The following KCNH8 variants were observed in gnomAD, a reference collection of about 807,000 sequenced individuals.
KCNH8 encodes the protein potassium voltage-gated channel subfamily H member 8.
KCNH8 carries 70 observed loss-of-function variants against 103.6 expected under a neutral mutation model. That is an observed-to-expected ratio of 0.68 (90% CI 0.56 to 0.82). KCNH8 has a LOEUF of 0.82. Ranked by LOEUF, KCNH8 falls within the 40% of genes least tolerant of loss-of-function variation. The pLI, the probability that KCNH8 is intolerant of heterozygous loss-of-function variation, is 0.00. For synonymous variants in KCNH8, 498 were observed against 489.4 expected, an observed-to-expected ratio of 1.02 and a Z score of -0.23; for missense variants, 1,217 against 1,329.9, an observed-to-expected ratio of 0.92 and a Z score of 1.32.
chr3:19,225,550 C>A (rs1055326822), intron 1 of KCNH8, among the ~76,000 whole-genome samples: 1 of 152,060 alleles, frequency 6.6e-6, no homozygotes, highest in Admixed American at 6.5e-5. Flanking sequence ...GAATGAGAAT[C>A]TTCTGGACGT....
intron 3 of KCNH8, among the ~76,000 whole-genome samples, chr3:19,309,131 T>C (rs944909516): frequency 1.3e-5 from 2 of 151,836 alleles, no homozygotes; most frequent in African/African-American, 4.8e-5. Flanking sequence ...TTGGTTGACT[T>C]TTGATTATTA....
chr3:19,494,826 A>G (rs1054531810), intron 11 of KCNH8, among the ~76,000 whole-genome samples: 7 of 152,210 alleles, frequency 4.6e-5, no homozygotes, highest in Admixed American at 1.3e-4. Flanking sequence ...CCAACAGTAT[A>G]TAAGTGTTCC....
At chr3:19,373,853 C>T (rs985694942) in intron 5 of KCNH8, among the ~76,000 whole-genome samples, 18 of 152,248 alleles carry the variant, frequency 1.2e-4, no homozygotes, top group South Asian at 8.3e-4. Flanking sequence ...TTTCTGCCTT[C>T]ATTTCGTTAT....
intron 11 of KCNH8, among the ~76,000 whole-genome samples, chr3:19,485,589 C>A (rs1230071224): frequency 1.3e-5 from 2 of 152,176 alleles, no homozygotes; most frequent in Non-Finnish European, 2.9e-5. Context: ...TCCTATCTGG[C>A]AGTCTGATCT....
intron 11 of KCNH8, among the ~76,000 whole-genome samples, chr3:19,492,776 A>T (rs2068350748): frequency 6.6e-6 from 1 of 151,004 alleles, no homozygotes; most frequent in South Asian, 2.1e-4. Flanking sequence ...TTTGGCCAGC[A>T]TGGTCATTTT....
At chr3:19,486,177 G>A (rs1023161693) in intron 11 of KCNH8, among the ~76,000 whole-genome samples, 3 of 152,186 alleles carry the variant, frequency 2.0e-5, no homozygotes, top group African/African-American at 7.2e-5. Flanking sequence ...GCCCATGGCT[G>A]GTCCTGAAGG....
intron 3 of KCNH8, among the ~76,000 whole-genome samples, chr3:19,334,299 G>C (rs2053506): frequency 2.0e-5 from 3 of 151,910 alleles, no homozygotes; most frequent in African/African-American, 4.8e-5. Context: ...CATAACATGC[G>C]CTACAACTCA....
chr3:19,458,476 TC>T (rs755747528), intron 11 of KCNH8, among the ~76,000 whole-genome samples: 2 of 151,902 alleles, frequency 1.3e-5, no homozygotes, highest in African/African-American at 2.4e-5. Context: ...TTATTAAGGA[TC>T]CTTATCTTTT....
At chr3:19,528,118 G>C (rs2069097001) in intron 15 of KCNH8, among the ~76,000 whole-genome samples, 1 of 151,912 alleles carries the variant, frequency 6.6e-6, no homozygotes, top group Non-Finnish European at 1.5e-5. Flanking sequence ...AAGAGGAAGA[G>C]GGGAAAGTGG....
intron 3 of KCNH8, among the ~76,000 whole-genome samples, chr3:19,314,565 G>A (rs1257670917): frequency 6.6e-6 from 1 of 151,748 alleles, no homozygotes; most frequent in East Asian, 1.9e-4. Flanking sequence ...ACAAAACCCT[G>A]TCTCTAAACA....
chr3:19,457,615 CAGAG>C (rs1164699845), intron 11 of KCNH8, among the ~76,000 whole-genome samples: 1 of 151,946 alleles, frequency 6.6e-6, no homozygotes, highest in Admixed American at 6.6e-5. Context: ...TTAGATGTCT[CAGAG>C]AGAGACATGA....
intron 7 of KCNH8, among the ~76,000 whole-genome samples, chr3:19,395,741 C>T (rs745531585): frequency 2.0e-5 from 3 of 151,940 alleles, no homozygotes; most frequent in African/African-American, 4.8e-5. Flanking sequence ...GATATCCTAC[C>T]ATCCTTCCCT....
At chr3:19,410,722 T>C (rs903624786) in intron 7 of KCNH8, among the ~76,000 whole-genome samples, 3 of 151,954 alleles carry the variant, frequency 2.0e-5, no homozygotes, top group African/African-American at 7.2e-5. Context: ...CAGAGAGTGT[T>C]ATGAACACCT....
chr3:19,470,349 T>C (rs958874499), intron 11 of KCNH8, among the ~76,000 whole-genome samples: 3 of 152,222 alleles, frequency 2.0e-5, no homozygotes, highest in Non-Finnish European at 4.4e-5. Flanking sequence ...TCTCTCTGTT[T>C]CTTACTTTTC....
chr3:19,221,951 G>A (rs903552042), intron 1 of KCNH8, among the ~76,000 whole-genome samples: 2 of 151,806 alleles, frequency 1.3e-5, no homozygotes, highest in African/African-American at 4.8e-5. Flanking sequence ...AGGTTCAAGC[G>A]ATTCGCCTGC....
intron 7 of KCNH8, among the ~76,000 whole-genome samples, chr3:19,434,488 CCTAGGAGG>C (rs1271800080): frequency 6.6e-6 from 1 of 152,174 alleles, no homozygotes; most frequent in East Asian, 1.9e-4. Context: ...CAGGCCCTTG[CCTAGGAGG>C]CTGAAGGGGG....
chr3:19,362,538 T>C (rs902280688), intron 5 of KCNH8, among the ~76,000 whole-genome samples: 2 of 152,194 alleles, frequency 1.3e-5, no homozygotes, highest in Non-Finnish European at 2.9e-5. Flanking sequence ...AGGGAAACTT[T>C]CCTGCACCTG....
chr3:19,510,747 G>A (rs1367707447), intron 12 of KCNH8, among the ~76,000 whole-genome samples: 1 of 152,150 alleles, frequency 6.6e-6, no homozygotes, highest in Non-Finnish European at 1.5e-5. Flanking sequence ...AAATATGGTT[G>A]AGAGATATTC....
chr3:19,282,823 C>T (rs144905096), intron 3 of KCNH8, among the ~76,000 whole-genome samples: 7 of 152,192 alleles, frequency 4.6e-5, no homozygotes, highest in African/African-American at 1.4e-4. Context: ...TTGCCATCCA[C>T]GTTCTGAATC....
Sources: allele counts gnomAD v4.1 joint callset (sites outside exome capture counted in the v4.1 genomes callset), GRCh38; gene constraint gnomAD v4.1.1; transcripts MANE v1.5; gene names NCBI Gene and HGNC (gene_info 2026-07-23, HGNC 2026-07-21).